The following PCDH15 variants were observed in gnomAD, a reference collection of about 807,000 sequenced individuals.
The protein encoded by PCDH15 is protocadherin-15.
Under a neutral mutation model 178.5 loss-of-function variants are expected in PCDH15, and 129 were observed. That is an observed-to-expected ratio of 0.72 (90% CI 0.63 to 0.84). The LOEUF is 0.84. Among genes scored for constraint, PCDH15 ranks in the 40% least tolerant of loss-of-function variants. The probability of loss-of-function intolerance (pLI) is 0.00; values close to 1 mark genes in which losing one functional copy is unlikely to be tolerated. For missense variants in PCDH15, 2,230 were observed against 2,099.9 expected (o/e 1.06, Z -1.21); for synonymous variants, 800 against 732.0 (o/e 1.09, Z -1.50).
intron 2 of PCDH15, among the ~76,000 whole-genome samples, chr10:55,591,503 G>A (rs764719821): frequency 9.9e-5 from 15 of 151,988 alleles, no homozygotes; most frequent in Non-Finnish European, 2.1e-4. Context: ...AAAAAGGTAA[G>A]TGGTCATCAT....
At chr10:53,948,447 A>G (rs1011911996) in intron 23 of PCDH15, among the ~76,000 whole-genome samples, 1 of 151,952 alleles carries the variant, frequency 6.6e-6, no homozygotes, top group African/African-American at 2.4e-5. Context: ...TTTTCTGTTC[A>G]CTCTATTTTT....
intron 2 of PCDH15, among the ~76,000 whole-genome samples, chr10:55,573,106 A>G (rs1842437725): frequency 2.0e-5 from 3 of 152,138 alleles, no homozygotes. Flanking sequence ...GATAACACCA[A>G]GGGAATACAT....
intron 2 of PCDH15, among the ~76,000 whole-genome samples, chr10:55,577,123 T>A (rs887722091): frequency 6.6e-6 from 1 of 152,096 alleles, no homozygotes; most frequent in Non-Finnish European, 1.5e-5. Flanking sequence ...ACGCCTGTAG[T>A]CCCAGCTACT....
intron 25 of PCDH15, among the ~76,000 whole-genome samples, chr10:53,933,536 G>T (rs1233713325): frequency 6.6e-6 from 1 of 152,194 alleles, no homozygotes; most frequent in African/African-American, 2.4e-5. Flanking sequence ...GTATTCCATG[G>T]TGTATATGTG....
chr10:54,179,131 C>G (rs1052288840), intron 13 of PCDH15, among the ~76,000 whole-genome samples: 1 of 151,954 alleles, frequency 6.6e-6, no homozygotes, highest in African/African-American at 2.4e-5. Flanking sequence ...ATGTTTATTG[C>G]GGCACTATTC....
At chr10:53,887,777 T>C (rs890109417) in intron 26 of PCDH15, among the ~76,000 whole-genome samples, 7 of 152,034 alleles carry the variant, frequency 4.6e-5, no homozygotes, top group African/African-American at 1.7e-4. Context: ...TAGTCCCAGA[T>C]ACTCGGGAGG....
intron 2 of PCDH15, among the ~76,000 whole-genome samples, chr10:55,419,627 T>C (rs1309875195): frequency 3.3e-5 from 5 of 151,780 alleles, no homozygotes; most frequent in African/African-American, 1.2e-4. Flanking sequence ...GTCACGTTCA[T>C]TTAAAATGAG....
intron 1 of PCDH15, among the ~76,000 whole-genome samples, chr10:55,289,818 T>C (rs1323764258): frequency 6.6e-6 from 1 of 152,122 alleles, no homozygotes; most frequent in Non-Finnish European, 1.5e-5. Context: ...GTGGAGCTCT[T>C]GTGAATGGAT....
At chr10:53,913,591 A>T (rs1416010599) in intron 25 of PCDH15, among the ~76,000 whole-genome samples, 12 of 151,536 alleles carry the variant, frequency 7.9e-5, no homozygotes, top group Non-Finnish European at 2.9e-5. Context: ...AAAAAAAAAA[A>T]AAATTAGCTG....
intron 2 of PCDH15, among the ~76,000 whole-genome samples, chr10:54,609,020 C>T (rs775500440): frequency 5.9e-5 from 9 of 151,876 alleles, no homozygotes; most frequent in South Asian, 2.1e-4. Flanking sequence ...TACAAGCGCA[C>T]GAATAATGTT....
At chr10:55,117,262 T>A (rs998598736) in intron 2 of PCDH15, among the ~76,000 whole-genome samples, 1 of 152,196 alleles carries the variant, frequency 6.6e-6, no homozygotes, top group African/African-American at 2.4e-5. Context: ...TATGAAATCA[T>A]AATTGTTCCT....
intron 2 of PCDH15, among the ~76,000 whole-genome samples, chr10:55,131,098 A>G (rs553382916): frequency 1.8e-4 from 27 of 152,234 alleles, no homozygotes; most frequent in African/African-American, 6.3e-4. Context: ...TGTACATTCT[A>G]CTGGTTTAGA....
chr10:55,577,718 A>G (rs1252906598), intron 2 of PCDH15, among the ~76,000 whole-genome samples: 1 of 152,216 alleles, frequency 6.6e-6, no homozygotes, highest in Admixed American at 6.5e-5. Flanking sequence ...TTTTGGAGAT[A>G]AAGTCTAATG....
At chr10:55,325,762 C>G (rs1844014149) in intron 2 of PCDH15, among the ~76,000 whole-genome samples, 1 of 151,806 alleles carries the variant, frequency 6.6e-6, no homozygotes, top group African/African-American at 2.4e-5. Flanking sequence ...AACAAACAAA[C>G]AACAACACCA....
chr10:54,925,295 T>C (rs923089530), intron 2 of PCDH15, among the ~76,000 whole-genome samples: 2 of 152,172 alleles, frequency 1.3e-5, no homozygotes, highest in Non-Finnish European at 2.9e-5. Context: ...TCTGTTCCAT[T>C]GGTTTATGTA....
chr10:55,292,745 C>G (rs569531669), intron 1 of PCDH15, among the ~76,000 whole-genome samples: 1 of 152,196 alleles, frequency 6.6e-6, no homozygotes, highest in Non-Finnish European at 1.5e-5. Flanking sequence ...ATCCAGGTCA[C>G]GCTGAAGCAA....
chr10:54,045,890 G>C (rs373228780), intron 18 of PCDH15, among the ~76,000 whole-genome samples: 1 of 152,054 alleles, frequency 6.6e-6, no homozygotes, highest in African/African-American at 2.4e-5. Flanking sequence ...TGCAGGAAGT[G>C]AAATGGAAGC....
chr10:53,866,604 C>T (rs762131389), intron 27 of PCDH15, 38 bp downstream of exon 27: 4 of 1,487,956 alleles, frequency 2.7e-6, no homozygotes, highest in South Asian at 2.3e-5. Flanking sequence ...TGGCTAGTAT[C>T]GTAGCTACTT....
intron 2 of PCDH15, chr10:55,599,509 AC>A (rs1843021184): frequency 6.5e-6 from 1 of 152,754 alleles, no homozygotes; most frequent in African/African-American, 2.4e-5. Context: ...ATTTCTAATC[AC>A]CCTGTTAAAC....
Sources: gnomAD v4.1 joint callset for allele counts (sites outside exome capture counted in the v4.1 genomes callset) on GRCh38, gnomAD v4.1.1 for gene constraint, MANE v1.5 for transcripts, NCBI Gene and HGNC (gene_info 2026-07-23, HGNC 2026-07-21) for gene names.